The following RIMS1 variants were observed in gnomAD, a reference collection of about 807,000 sequenced individuals.
RIMS1 encodes regulating synaptic membrane exocytosis protein 1.
Under a neutral mutation model 214.1 loss-of-function variants are expected in RIMS1, and 83 were observed. The ratio of observed to expected loss-of-function variants is 0.39; its 90% CI spans 0.32 to 0.47. The LOEUF (loss-of-function observed/expected upper bound fraction) is 0.47. RIMS1 is among the 20% of genes least tolerant of loss of function. The probability of loss-of-function intolerance (pLI) is 0.99; values close to 1 mark genes in which losing one functional copy is unlikely to be tolerated. For synonymous variants in RIMS1, 793 were observed against 786.8 expected, an observed-to-expected ratio of 1.01 and a Z score of -0.13; for missense variants, 2,050 against 2,161.8, an observed-to-expected ratio of 0.95 and a Z score of 1.03.
chr6:72,384,368 G>A (rs2098548988), intron 29 of RIMS1, among the ~76,000 whole-genome samples: 1 of 152,010 alleles, frequency 6.6e-6, no homozygotes, highest in African/African-American at 2.4e-5. Flanking sequence ...ACTCCTTTCA[G>A]GCACCTAATC....
intron 24 of RIMS1, among the ~76,000 whole-genome samples, chr6:72,289,199 A>T (rs887830982): frequency 6.6e-6 from 1 of 152,194 alleles, no homozygotes; most frequent in Non-Finnish European, 1.5e-5. Context: ...CTCAGTACTA[A>T]GGTGAAAACT....
chr6:72,068,883 C>T (rs907260850), intron 2 of RIMS1, among the ~76,000 whole-genome samples: 1 of 150,346 alleles, frequency 6.7e-6, no homozygotes, highest in Admixed American at 6.6e-5. Context: ...TGTACTCCAG[C>T]CTGGGCGACA....
rs78357901 is a variant in RIMS1, at chr6:72,156,549, C to T, written c.472-23026C>T. Among the ~76,000 whole-genome samples the T allele has an allele frequency of 3.0e-3, 415 of 140,160 alleles. 70 individuals are homozygous for T. Among genetic ancestry groups the T allele is most frequent in the Middle Eastern group, 0.021 (6 of 282 alleles). 92.0% of individuals were successfully genotyped at this position (140,160 alleles called of 152,430 possible). On this transcript the variant is annotated intron_variant, in intron 4 of 33. Coordinates refer to ENST00000521978, the MANE Select transcript of RIMS1 (RefSeq NM_014989.7). ...TCAATAGGTCTGGATGCCTAAAATA[C>T]AGCATGTTGACTGTACTGAATAATA...
chr6:72,102,320 C>T (rs978483575), intron 4 of RIMS1, among the ~76,000 whole-genome samples: 7 of 151,886 alleles, frequency 4.6e-5, no homozygotes, highest in African/African-American at 1.7e-4. Flanking sequence ...AAGAAAGTGT[C>T]AGGTTTTATA....
In RIMS1 at chr6:72,380,691, C is replaced by T. The variant is rs1035849807; in HGVS notation, c.4367-9907C>T. Reference sequence around the variant, plus strand: ...ATGATTTCAGTATACTCGTGTAATACTTCAGATTACTTTTTTTTAAAATTG... The same window carrying T: ...ATGATTTCAGTATACTCGTGTAATATTTCAGATTACTTTTTTTTAAAATTG... On this transcript the variant is annotated intron_variant, in intron 29 of 33. Transcript: ENST00000521978. Among the ~76,000 whole-genome samples, 9 of 152,236 alleles carry T rather than the reference C, an allele frequency of 5.9e-5. No individual in the cohort carries two copies. The South Asian group carries it at 1.0e-3, about 18-fold the overall frequency.
intron 1 of RIMS1, among the ~76,000 whole-genome samples, chr6:71,931,569 C>A (rs1783055537): frequency 6.6e-6 from 1 of 151,780 alleles, no homozygotes; most frequent in African/African-American, 2.4e-5. Context: ...CTGTTCGTGT[C>A]CTTTGCCCAC....
chr6:72,289,092 A>G (rs561539079), intron 24 of RIMS1, among the ~76,000 whole-genome samples: 4 of 152,308 alleles, frequency 2.6e-5, no homozygotes, highest in Non-Finnish European at 4.4e-5. Context: ...GAAATTTTTT[A>G]CATTTCAAGT....
intron 2 of RIMS1, among the ~76,000 whole-genome samples, chr6:72,087,028 T>A (rs1343905862): frequency 2.0e-5 from 3 of 152,232 alleles, no homozygotes; most frequent in Non-Finnish European, 4.4e-5. Context: ...TTTGTTCGTT[T>A]GATTGTATAT....
At chr6:71,948,309 C>G (rs1327011084) in intron 1 of RIMS1, among the ~76,000 whole-genome samples, 2 of 152,076 alleles carry the variant, frequency 1.3e-5, no homozygotes, top group South Asian at 4.1e-4. Flanking sequence ...TATGCTTCTC[C>G]AATCTCTTAA....
chr6:72,112,508 C>T (rs867723914), intron 4 of RIMS1, among the ~76,000 whole-genome samples: 1 of 152,128 alleles, frequency 6.6e-6, no homozygotes, highest in Non-Finnish European at 1.5e-5. Flanking sequence ...TACACACATC[C>T]TCTCCTGTCA....
chr6:72,189,287 C>A (rs574594458), intron 6 of RIMS1, among the ~76,000 whole-genome samples: 57 of 152,298 alleles, frequency 3.7e-4, no homozygotes, highest in African/African-American at 1.3e-3. Flanking sequence ...AAGGCCATTC[C>A]ACTGTTCTAT....
At chr6:72,246,279 A>G (rs2069646788) in intron 11 of RIMS1, among the ~76,000 whole-genome samples, 2 of 152,316 alleles carry the variant, frequency 1.3e-5, no homozygotes, top group African/African-American at 4.8e-5. Context: ...TTACTGAATA[A>G]CAAAGTGTGT....
chr6:71,936,785 A>T (rs1276276861), intron 1 of RIMS1, among the ~76,000 whole-genome samples: 2 of 152,206 alleles, frequency 1.3e-5, no homozygotes, highest in Non-Finnish European at 2.9e-5. Context: ...CTGATTCTGA[A>T]TAAGGAATCT....
intron 4 of RIMS1, among the ~76,000 whole-genome samples, chr6:72,110,750 G>C (rs1385558747): frequency 6.6e-6 from 1 of 152,054 alleles, no homozygotes; most frequent in East Asian, 1.9e-4. Flanking sequence ...TTGAATAGGA[G>C]TGGTGAGAGA....
At chr6:72,304,856 G>A (rs982204878) in intron 26 of RIMS1, among the ~76,000 whole-genome samples, 4 of 152,004 alleles carry the variant, frequency 2.6e-5, no homozygotes, top group African/African-American at 9.6e-5. Context: ...GGTTTTGTTG[G>A]AATCCGAGAG....
intron 26 of RIMS1, among the ~76,000 whole-genome samples, chr6:72,304,263 C>G (rs1287961780): frequency 6.6e-6 from 1 of 151,480 alleles, no homozygotes. Context: ...TTGGAAAATA[C>G]TTTATTTACT....
intron 2 of RIMS1, among the ~76,000 whole-genome samples, chr6:72,072,465 G>T (rs979878279): frequency 6.6e-6 from 1 of 152,304 alleles, no homozygotes; most frequent in East Asian, 1.9e-4. Flanking sequence ...AAGGAGCTTT[G>T]AAGATTGGTT....
At chr6:71,908,184 T>G (rs1412086828) in intron 1 of RIMS1, among the ~76,000 whole-genome samples, 1 of 152,218 alleles carries the variant, frequency 6.6e-6, no homozygotes, top group African/African-American at 2.4e-5. Flanking sequence ...GAAGAATTGA[T>G]GGCTAACTTG....
intron 4 of RIMS1, among the ~76,000 whole-genome samples, chr6:72,110,918 G>A (rs1049779429): frequency 1.3e-5 from 2 of 152,106 alleles, no homozygotes; most frequent in African/African-American, 4.8e-5. Flanking sequence ...AGTAAAAGTT[G>A]TGATCCTAAG....
Sources: allele counts gnomAD v4.1 joint callset (sites outside exome capture counted in the v4.1 genomes callset), GRCh38; gene constraint gnomAD v4.1.1; transcripts MANE v1.5; gene names NCBI Gene and HGNC (gene_info 2026-07-23, HGNC 2026-07-21).